Variants in STAG3 observed in about 807,000 individuals in gnomAD.
STAG3 encodes the protein cohesin subunit SA-3.
Under a neutral mutation model 160.7 loss-of-function variants are expected in STAG3, and 101 were observed. That is an observed-to-expected ratio of 0.63 (90% CI 0.54 to 0.74). The LOEUF (loss-of-function observed/expected upper bound fraction) is 0.74. Ranked by LOEUF, STAG3 falls within the 30% of genes least tolerant of loss-of-function variation. STAG3 has a pLI of 0.00. For synonymous variants in STAG3, 519 were observed against 585.0 expected (o/e 0.89, Z 1.63); for missense variants, 1,188 against 1,517.4 (o/e 0.78, Z 3.61).
chr7:100,203,616 G>C (rs1035448384), intron 25 of STAG3, among the ~76,000 whole-genome samples: 9 of 151,986 alleles, frequency 5.9e-5, no homozygotes, highest in African/African-American at 2.2e-4. Flanking sequence ...CTGGGTTCAC[G>C]CCATTCTCCT....
chr7:100,196,602 G>A (rs13307777), intron 9 of STAG3, among the ~76,000 whole-genome samples: 3 of 152,170 alleles, frequency 2.0e-5, no homozygotes, highest in Non-Finnish European at 2.9e-5. Flanking sequence ...GACCAGCCTG[G>A]CCAACATGGC....
chr7:100,212,063 A>T, intron 32 of STAG3, 187 bp downstream of exon 32: 1 of 538,352 alleles, frequency 1.9e-6, no homozygotes, highest in Non-Finnish European at 3.3e-6. Context: ...ATTAAAGAAT[A>T]AGGAAAAGAA....
At position 100,211,000 on chromosome 7, in the gene STAG3, C is replaced by T. The variant is rs1201528472; in HGVS notation, c.3239-11C>T. On this transcript the variant is annotated splice_polypyrimidine_tract_variant and intron_variant, in intron 29 of 33. Transcript: ENST00000615138. ...CCTGGGCTGTGGTTAATGTATGCAT[C>T]TGCTTGGCAGGGCCTGCCAAGCCTA... 1 of 1,611,626 alleles carries T rather than the reference C, an allele frequency of 6.2e-7. No individual in the cohort carries two copies. The highest frequency in any genetic ancestry group is 1.1e-5 in the South Asian group (1 of 90,738).
rs71126310 is a variant in STAG3 at position 100,184,463 on chromosome 7, G to GGTTTTTTTTTTTTT, written c.336+1624_336+1625insGTTTTTTTTTTTTT. On this transcript the variant is annotated intron_variant, in intron 4 of 33. Transcript: ENST00000615138. ...TTATATGCAGTTGTACAGCGTGTTA[G>GGTTTTTTTTTTTTT]TTTTTTTTTTTTTTTTTTTTTTTGA... 4.1e-5 allele frequency among the ~76,000 whole-genome samples: 4 copies of GGTTTTTTTTTTTTT among 98,552 alleles called. 1 individual carries two copies. The highest frequency in any genetic ancestry group is 1.4e-4 in the Admixed American group (1 of 7,264). 64.7% of individuals were successfully genotyped at this position (98,552 alleles called of 152,430 possible).
rs756766305 is a variant in STAG3, at chr7:100,179,262, TG to T, written c.-64-1230del. On this transcript the variant is annotated intron_variant, in intron 1 of 33. Transcript: ENST00000615138. ...CCTGGTGTGTACCTTGCTTGGGTTT[TG>T]TTTTTTTTTTTTTGGGTGTGTCTCA... Among the ~76,000 whole-genome samples, 403 of 148,910 alleles carry T rather than the reference TG, an allele frequency of 2.7e-3. 8 individuals are homozygous for T. Among genetic ancestry groups the T allele is most frequent in the Non-Finnish European group, 2.2e-3 (149 of 67,244 alleles).
In STAG3 at chr7:100,204,081, C is replaced by T. The variant is rs772448727; in HGVS notation, c.2761C>T (p.Arg921Ter). 10 of 1,613,982 alleles carry T rather than the reference C, an allele frequency of 6.2e-6. No individual in the cohort carries two copies. In the African/African-American group the frequency reaches 9.3e-5, roughly 15 times the overall value. ...ETLTRARQID[R>*]SHCSRILLLS... ...ATTAACTAGAGCAAGGCAGATTGAC[C>T]GAAGTCATTGTTCCCGAATCCTGCT... Residue 921 changes from arginine (R) to a stop codon, truncating the protein, a stop_gained, in exon 26 of 34, where the codon CGA (arginine) becomes TGA (stop). Coordinates refer to ENST00000615138, the MANE Select transcript of STAG3 (RefSeq NM_001282717.2). LOFTEE classifies it high-confidence loss of function.
downstream of STAG3, among the ~76,000 whole-genome samples, chr7:100,216,399 C>A (rs1802757065): frequency 6.6e-6 from 1 of 152,122 alleles, no homozygotes; most frequent in Non-Finnish European, 1.5e-5. Context: ...TAAAATATTT[C>A]ATTGGTTAAC....
chr7:100,182,809 T>A lies in STAG3; in HGVS notation c.306T>A (p.Asn102Lys). The change falls in exon 4 of 34, where the codon AAT becomes AAA. Residue 102 changes from asparagine to lysine, a missense_variant. Around this residue, in one of 4 missense-constraint regions of STAG3, gnomAD observed 296 missense variants for 404.0 expected, o/e 0.73. Transcript: ENST00000615138. Reference sequence around the variant, plus strand: ...AGCCACCAGCCAATGATCTTTTCAATGCTGTGAAAGCCGCCAAAAGTGACA... The same window carrying A: ...AGCCACCAGCCAATGATCTTTTCAAAGCTGTGAAAGCCGCCAAAAGTGACA... The part of the protein sequence containing the change: ...QSEPPANDLF[N>K]AVKAAKSDMQ... The A allele has an allele frequency of 6.2e-7, 1 of 1,614,012 alleles. No individual in the cohort carries two copies. Among genetic ancestry groups the A allele is most frequent in the South Asian group, 1.1e-5 (1 of 91,078 alleles).
Position 100,198,906 on chromosome 7 carries a change from C to A in STAG3, c.1416C>A (p.Gly472=), listed in dbSNP as rs754933040. 2 of 1,612,244 alleles carry A rather than the reference C, an allele frequency of 1.2e-6. No individual in the cohort carries two copies. The highest frequency in any genetic ancestry group is 1.1e-5 in the South Asian group (1 of 91,000). ...GAAGAGAGCAACGCCAGAGCCCAGG[C>A]GCCCAGAGGACTTTCTTCCAGCTTC... The part of the protein sequence containing the change: ...MGGREQRQSP[G]AQRTFFQLLL... Residue 472 remains glycine (G), a synonymous_variant, in exon 14 of 34, where the codon GGC becomes GGA. Transcript: ENST00000615138.
intron 7 of STAG3, 74 bp from the exon 8 acceptor site, chr7:100,189,371 A>T: frequency 6.7e-7 from 1 of 1,489,852 alleles, no homozygotes; most frequent in East Asian, 2.3e-5. Flanking sequence ...CTTTCCTTCT[A>T]TTTTTTCCTT....
At chr7:100,216,572 G>A (rs1298049625), downstream of STAG3, among the ~76,000 whole-genome samples, 3 of 151,980 alleles carry the variant, frequency 2.0e-5, no homozygotes, top group Admixed American at 1.3e-4. Flanking sequence ...AGGCCAAGGC[G>A]GGCAGATCAC....
intron 32 of STAG3, 138 bp from the exon 33 acceptor site, chr7:100,213,597 T>G: frequency 6.7e-7 from 1 of 1,496,336 alleles, no homozygotes; most frequent in Non-Finnish European, 8.9e-7. Flanking sequence ...CACACTGACT[T>G]CCCTCCCAGG....
chr7:100,200,320 C>T lies in STAG3; in HGVS notation c.1762C>T (p.Leu588=), dbSNP rs200635975. The part of the protein sequence containing the change: ...EHLIPLLPQL[L]AKFSADAEKV... ...CCTCATCCCCCTGCTGCCCCAGCTC[C>T]TGGCCAAGGTACCGCTGCCCCTCCA... The change falls in exon 17 of 34, where the codon CTG becomes TTG. Residue 588 remains leucine, a synonymous_variant. Coordinates refer to ENST00000615138, the MANE Select transcript of STAG3 (RefSeq NM_001282717.2). 9.9e-5 allele frequency: 160 copies of T among 1,613,990 alleles called. 2 individuals are homozygous for T. The East Asian group carries it at 3.1e-3, about 31-fold the overall frequency.
At chr7:100,213,219 A>G (rs762130133) in intron 32 of STAG3, 2 of 808,142 alleles carry the variant, frequency 2.5e-6, no homozygotes, top group East Asian at 1.1e-4. Flanking sequence ...CTATGACCCA[A>G]TCACCTCCCA....
At chr7:100,202,072 GC>G (rs1471343294) in intron 23 of STAG3, 31 bp downstream of exon 23, 1 of 1,613,272 alleles carries the variant, frequency 6.2e-7, no homozygotes. Flanking sequence ...GAGCAACAAG[GC>G]GAGTATCCCT....
In STAG3 at chr7:100,198,826, C is replaced by A; in HGVS notation, c.1353-17C>A. ...TTCCTGTTGTGCTGAGCCCTTTCCTCGTGTCCATTCCACCAGACTCTTCTA... is the reference window on the plus strand; with the variant it reads ...TTCCTGTTGTGCTGAGCCCTTTCCTAGTGTCCATTCCACCAGACTCTTCTA... On this transcript the variant is annotated splice_polypyrimidine_tract_variant and intron_variant, in intron 13 of 33. Transcript: ENST00000615138. The A allele has an allele frequency of 6.2e-7, 1 of 1,603,888 alleles. No individual in the cohort carries two copies. The highest frequency in any genetic ancestry group is 8.5e-7 in the Non-Finnish European group (1 of 1,172,404).
intron 8 of STAG3, among the ~76,000 whole-genome samples, chr7:100,194,491 C>A (rs940760486): frequency 2.6e-5 from 4 of 152,100 alleles, no homozygotes; most frequent in Non-Finnish European, 5.9e-5. Context: ...AAAACAGTTA[C>A]AGTAGTAACA....
chr7:100,203,991 G>C, intron 25 of STAG3, 30 bp from the exon 26 acceptor site: 1 of 1,498,150 alleles, frequency 6.7e-7, no homozygotes, highest in Non-Finnish European at 9.3e-7. Context: ...CCACCAGTCA[G>C]ACATTACCTT....
At chr7:100,204,186 C>A in intron 26 of STAG3, 64 bp downstream of exon 26, 1 of 1,298,484 alleles carries the variant, frequency 7.7e-7, no homozygotes, top group Non-Finnish European at 1.1e-6. Context: ...CTACCCTCAG[C>A]CACTCAGAAT....
Sources: allele counts gnomAD v4.1 joint callset (sites outside exome capture counted in the v4.1 genomes callset), GRCh38; gene constraint gnomAD v4.1.1; regional missense constraint gnomAD v4.1.1; transcripts MANE v1.5; gene names NCBI Gene and HGNC (gene_info 2026-07-23, HGNC 2026-07-21).